The following WWOX variants were observed in gnomAD, a reference collection of about 807,000 sequenced individuals.
WWOX encodes the protein WW domain containing oxidoreductase.
Under a neutral mutation model 46.2 loss-of-function variants are expected in WWOX, and 69 were observed. The observed-to-expected ratio is 1.49, with a 90% CI of 1.23 to 1.82. The LOEUF is 1.82. Among genes scored for constraint, WWOX ranks in the 40% most tolerant of loss-of-function variants. The pLI, the probability that WWOX is intolerant of heterozygous loss-of-function variation, is 0.00. For missense variants in WWOX, 919 were observed against 542.6 expected, an observed-to-expected ratio of 1.69 and a Z score of -6.89; for synonymous variants, 359 against 202.6, an observed-to-expected ratio of 1.77 and a Z score of -6.56.
At chr16:78,467,469 G>T (rs374222277) in intron 8 of WWOX, among the ~76,000 whole-genome samples, 116 of 152,232 alleles carry the variant, frequency 7.6e-4, no homozygotes, top group African/African-American at 2.6e-3. Flanking sequence ...ACTAAGGCAG[G>T]ATCAAAGGAC....
intron 8 of WWOX, among the ~76,000 whole-genome samples, chr16:78,472,829 A>AC: frequency 7.3e-6 from 1 of 137,268 alleles, no homozygotes; most frequent in East Asian, 2.2e-4. Context: ...AAAAAAAAAA[A>AC]AAAAAAATTA....
chr16:78,122,110 C>G (rs1185051808), intron 4 of WWOX, among the ~76,000 whole-genome samples: 4 of 152,144 alleles, frequency 2.6e-5, no homozygotes, highest in Admixed American at 2.6e-4. Flanking sequence ...TTGTTGATCT[C>G]TTACTGTGCC....
At chr16:78,588,760 T>A (rs1029747872) in intron 8 of WWOX, among the ~76,000 whole-genome samples, 4 of 152,328 alleles carry the variant, frequency 2.6e-5, no homozygotes, top group East Asian at 1.9e-4. Flanking sequence ...GCAGCTACTA[T>A]GTACCAAACA....
intron 8 of WWOX, among the ~76,000 whole-genome samples, chr16:78,919,452 C>G (rs1399971280): frequency 2.0e-5 from 3 of 151,842 alleles, no homozygotes; most frequent in Non-Finnish European, 4.4e-5. Flanking sequence ...AGAATGCCAT[C>G]ACTACCTTCT....
At chr16:78,378,689 G>C (rs775049347) in intron 5 of WWOX, among the ~76,000 whole-genome samples, 53 of 152,182 alleles carry the variant, frequency 3.5e-4, no homozygotes, top group Non-Finnish European at 5.9e-4. Flanking sequence ...AGGACTGAGA[G>C]TATGTAAAGC....
At chr16:78,299,561 C>G (rs1336404534) in intron 5 of WWOX, among the ~76,000 whole-genome samples, 4 of 150,882 alleles carry the variant, frequency 2.7e-5, no homozygotes, top group Admixed American at 1.3e-4. Flanking sequence ...CTCTGTCACC[C>G]AGCCTGGAGT....
chr16:78,673,405 C>T (rs1031413727), intron 8 of WWOX, among the ~76,000 whole-genome samples: 2 of 152,146 alleles, frequency 1.3e-5, no homozygotes, highest in Non-Finnish European at 2.9e-5. Flanking sequence ...TTATCTTAGC[C>T]AACTGTGAAC....
At chr16:79,167,631 C>G (rs761972581) in intron 8 of WWOX, among the ~76,000 whole-genome samples, 29 of 152,158 alleles carry the variant, frequency 1.9e-4, no homozygotes, top group Non-Finnish European at 3.5e-4. Flanking sequence ...GTCACTTGCC[C>G]AAGGTTATCC....
intron 8 of WWOX, among the ~76,000 whole-genome samples, chr16:78,773,899 C>A (rs1195214072): frequency 6.6e-6 from 1 of 152,096 alleles, no homozygotes; most frequent in South Asian, 2.1e-4. Context: ...TATGGGAGAT[C>A]CAGAATTGGA....
At chr16:78,973,493 C>G (rs780655116) in intron 8 of WWOX, among the ~76,000 whole-genome samples, 16 of 152,220 alleles carry the variant, frequency 1.1e-4, no homozygotes, top group African/African-American at 1.7e-4. Context: ...TCAAACATCT[C>G]TAACAACATG....
Position 78,337,779 on chromosome 16 carries a change from A to G in WWOX, c.517-49081A>G, listed in dbSNP as rs1209145659. ...GTACTCCAAGATGCCTCCAGCAATT[A>G]TAATTGAATCTTGAAGCTAGAGTTT... On this transcript the variant is annotated intron_variant, in intron 5 of 8. Transcript: ENST00000566780. 1.2e-4 allele frequency among the ~76,000 whole-genome samples: 7 copies of G among 56,232 alleles called. 2 individuals are homozygous for G. Among genetic ancestry groups the G allele is most frequent in the Non-Finnish European group, 2.8e-4 (5 of 17,550 alleles). The allele number at this position is 56,232 out of a possible 152,430, so 36.9% of individuals were successfully genotyped here.
intron 5 of WWOX, among the ~76,000 whole-genome samples, chr16:78,202,168 G>C (rs2036251703): frequency 6.6e-6 from 1 of 152,150 alleles, no homozygotes; most frequent in Admixed American, 6.5e-5. Flanking sequence ...CACAAACCTA[G>C]TTGATTCCAG....
intron 8 of WWOX, among the ~76,000 whole-genome samples, chr16:79,046,423 T>G (rs1354241567): frequency 6.6e-6 from 1 of 152,194 alleles, no homozygotes; most frequent in East Asian, 1.9e-4. Context: ...CTGGATGGCC[T>G]TAACCACAAT....
chr16:79,029,802 C>T (rs757327414), intron 8 of WWOX, among the ~76,000 whole-genome samples: 6 of 152,080 alleles, frequency 3.9e-5, no homozygotes, highest in Admixed American at 3.9e-4. Context: ...TTGGACTCTC[C>T]CGCTAGTATA....
rs527249435 is a variant in WWOX, at chr16:78,392,407, G to A, written c.605+5459G>A. On this transcript the variant is annotated intron_variant, in intron 6 of 8. Coordinates refer to ENST00000566780, the MANE Select transcript of WWOX (RefSeq NM_016373.4). The stretch of plus-strand genomic sequence containing the variant: ...GGAAAACAAGCTCAGGGCTCCCACC[G>A]ATTGTACATTATGGTGAGTTGGATA... Among the ~76,000 whole-genome samples the A allele has an allele frequency of 7.9e-5, 12 of 152,180 alleles. No homozygotes were observed. The East Asian group carries it at 1.5e-3, about 20-fold the overall frequency.
chr16:78,490,421 C>T (rs16947723), intron 8 of WWOX, among the ~76,000 whole-genome samples: 3,065 of 152,244 alleles, frequency 0.02, 85 homozygotes, highest in African/African-American at 0.063. Context: ...GATTTGGACT[C>T]CTTTGGTGCT....
At chr16:79,107,647 C>T (rs893824093) in intron 8 of WWOX, among the ~76,000 whole-genome samples, 6 of 152,132 alleles carry the variant, frequency 3.9e-5, no homozygotes, top group Admixed American at 2.6e-4. Flanking sequence ...CCTCACCCTT[C>T]GTAATAGGCG....
intron 8 of WWOX, among the ~76,000 whole-genome samples, chr16:79,031,419 AT>A (rs1281917977): frequency 2.6e-5 from 4 of 151,882 alleles, no homozygotes; most frequent in Non-Finnish European, 4.4e-5. Flanking sequence ...AGTGAAACGC[AT>A]TAGACATCTT....
At chr16:78,917,338 C>T (rs946118824) in intron 8 of WWOX, among the ~76,000 whole-genome samples, 3 of 152,194 alleles carry the variant, frequency 2.0e-5, no homozygotes, top group Non-Finnish European at 4.4e-5. Context: ...GTGTCCCACA[C>T]TCAAATAAAC....
Sources: allele counts gnomAD v4.1 joint callset (sites outside exome capture counted in the v4.1 genomes callset), GRCh38; gene constraint gnomAD v4.1.1; transcripts MANE v1.5; gene names NCBI Gene and HGNC (gene_info 2026-07-23, HGNC 2026-07-21).